The following OSBPL10 variants were observed in gnomAD, a reference collection of about 807,000 sequenced individuals.
OSBPL10 encodes oxysterol-binding protein-related protein 10.
In OSBPL10, 49 loss-of-function variants were observed where a neutral mutation model predicts 81.7. That is an observed-to-expected ratio of 0.60 (90% confidence interval 0.48 to 0.76). The LOEUF (loss-of-function observed/expected upper bound fraction) is 0.76, where lower values mean the gene tolerates loss of function less well. OSBPL10 is among the 30% of genes least tolerant of loss of function. OSBPL10 has a pLI of 0.00. For synonymous variants in OSBPL10, 419 were observed against 383.6 expected (o/e 1.09, Z -1.08); for missense variants, 923 against 987.8 (o/e 0.93, Z 0.88).
At chr3:31,750,027 C>A (rs1215326660) in intron 4 of OSBPL10, among the ~76,000 whole-genome samples, 2 of 151,572 alleles carry the variant, frequency 1.3e-5, no homozygotes, top group African/African-American at 4.8e-5. Flanking sequence ...CTAAAAAACA[C>A]AAAAATAAGC....
intron 2 of OSBPL10, among the ~76,000 whole-genome samples, chr3:32,020,731 G>A (rs1179430669): frequency 6.6e-6 from 1 of 151,694 alleles, no homozygotes; most frequent in African/African-American, 2.4e-5. Flanking sequence ...AAAAAAAGAA[G>A]ACCTGGGATT....
intron 6 of OSBPL10, chr3:31,709,182 A>C (rs1385981260): frequency 5.9e-6 from 2 of 337,010 alleles, no homozygotes; most frequent in African/African-American, 2.2e-5. Context: ...CCTTTCGGAG[A>C]TGCTGAGTTT....
At chr3:31,858,398 A>G (rs981600495) in intron 3 of OSBPL10, among the ~76,000 whole-genome samples, 1 of 152,100 alleles carries the variant, frequency 6.6e-6, no homozygotes, top group African/African-American at 2.4e-5. Context: ...ATTTCATTTC[A>G]CAAGCTGTGC....
intron 4 of OSBPL10, among the ~76,000 whole-genome samples, chr3:31,783,096 A>G (rs1477432174): frequency 1.4e-5 from 2 of 142,104 alleles, no homozygotes; most frequent in Non-Finnish European, 3.0e-5. Flanking sequence ...GGATATATCT[A>G]TATCAATATA....
chr3:31,979,126 G>A (rs772879062), intron 1 of OSBPL10, among the ~76,000 whole-genome samples: 8 of 152,106 alleles, frequency 5.3e-5, no homozygotes, highest in East Asian at 1.9e-4. Flanking sequence ...TGCCATTAAC[G>A]AGACATAATT....
At chr3:31,782,265 T>C (rs771632163) in intron 4 of OSBPL10, among the ~76,000 whole-genome samples, 1 of 152,168 alleles carries the variant, frequency 6.6e-6, no homozygotes, top group Non-Finnish European at 1.5e-5. Context: ...TCCTCATCTT[T>C]CACCTTACAC....
intron 9 of OSBPL10, among the ~76,000 whole-genome samples, chr3:31,669,921 C>G (rs1700282531): frequency 6.6e-6 from 1 of 152,186 alleles, no homozygotes; most frequent in Non-Finnish European, 1.5e-5. Context: ...GAGGCATCTT[C>G]TGGATTGCAC....
chr3:31,666,864 T>C (rs1700203647), intron 10 of OSBPL10, among the ~76,000 whole-genome samples: 1 of 152,204 alleles, frequency 6.6e-6, no homozygotes, highest in African/African-American at 2.4e-5. Flanking sequence ...TTTCAGGTGG[T>C]GGCTGACTGC....
intron 4 of OSBPL10, among the ~76,000 whole-genome samples, chr3:31,816,239 T>C (rs1301914432): frequency 6.6e-6 from 1 of 152,196 alleles, no homozygotes; most frequent in African/African-American, 2.4e-5. Flanking sequence ...GGTGAATTCC[T>C]ATGACAACTG....
rs1553652294 is a variant in OSBPL10, at chr3:32,060,987, A to AG, written n.186-14385_186-14384insC. Reference sequence around the variant, plus strand: ...AAACTCCGCCTCAAAAAAAAAAAAAAAACCCTCAGAGGACCCCCTGCTCCT... The same window carrying AG: ...AAACTCCGCCTCAAAAAAAAAAAAAAGAACCCTCAGAGGACCCCCTGCTCCT... On this transcript the variant is annotated intron_variant and non_coding_transcript_variant, in intron 1 of 3. Coordinates refer to the OSBPL10 transcript ENST00000479173. Among the ~76,000 whole-genome samples the AG allele has an allele frequency of 6.8e-4, 53 of 77,498 alleles. 8 individuals carry two copies. Among genetic ancestry groups the AG allele is most frequent in the South Asian group, 2.3e-3 (4 of 1,768 alleles). 50.8% of individuals were successfully genotyped at this position (77,498 alleles called of 152,430 possible).
chr3:31,686,798 G>A (rs1461207106), intron 7 of OSBPL10, among the ~76,000 whole-genome samples: 2 of 152,106 alleles, frequency 1.3e-5, no homozygotes, highest in African/African-American at 4.8e-5. Context: ...CGTGGGGACA[G>A]GTCATCATTC....
chr3:31,952,929 C>CA (rs1697909867), intron 1 of OSBPL10, among the ~76,000 whole-genome samples: 1 of 116,546 alleles, frequency 8.6e-6, no homozygotes. Flanking sequence ...AATCTTCCTA[C>CA]TTTTTTTTTT....
intron 4 of OSBPL10, among the ~76,000 whole-genome samples, chr3:31,767,729 A>G (rs1478783840): frequency 6.6e-6 from 1 of 152,148 alleles, no homozygotes; most frequent in Non-Finnish European, 1.5e-5. Context: ...TGAACCACTG[A>G]ATGCACCCTT....
chr3:31,878,527 G>A (rs1346851773), intron 2 of OSBPL10, among the ~76,000 whole-genome samples: 1 of 152,106 alleles, frequency 6.6e-6, no homozygotes, highest in Non-Finnish European at 1.5e-5. Flanking sequence ...AATATGACTT[G>A]TATATAGATA....
chr3:31,689,880 A>G (rs1305692784), intron 7 of OSBPL10, among the ~76,000 whole-genome samples: 1 of 152,142 alleles, frequency 6.6e-6, no homozygotes, highest in Non-Finnish European at 1.5e-5. Flanking sequence ...ATGAAAATGG[A>G]CTAACCCAAT....
intron 2 of OSBPL10, among the ~76,000 whole-genome samples, chr3:32,000,533 C>T (rs368674046): frequency 1.3e-5 from 2 of 152,200 alleles, no homozygotes; most frequent in Non-Finnish European, 2.9e-5. Context: ...ATAATCAATG[C>T]ATCTATTTGA....
intron 8 of OSBPL10, among the ~76,000 whole-genome samples, chr3:31,679,799 C>G (rs889957658): frequency 8.5e-5 from 13 of 152,098 alleles, no homozygotes; most frequent in Admixed American, 7.9e-4. Context: ...CCAAAGCAAC[C>G]TATGAAAACA....
intron 3 of OSBPL10, among the ~76,000 whole-genome samples, chr3:31,857,788 G>GA (rs1700951332): frequency 8.2e-6 from 1 of 122,152 alleles, no homozygotes; most frequent in Non-Finnish European, 1.7e-5. Flanking sequence ...GGGGGTGGGG[G>GA]GGAGAGACAG....
At chr3:31,817,624 T>TG (rs983328933) in intron 4 of OSBPL10, among the ~76,000 whole-genome samples, 21 of 152,070 alleles carry the variant, frequency 1.4e-4, no homozygotes, top group African/African-American at 5.1e-4. Context: ...CAGGGAGGCT[T>TG]GGATCCACAG....
Sources: allele counts gnomAD v4.1 joint callset (sites outside exome capture counted in the v4.1 genomes callset), GRCh38; gene constraint gnomAD v4.1.1; transcripts MANE v1.5; gene names NCBI Gene and HGNC (gene_info 2026-07-23, HGNC 2026-07-21).